RBFOX1: variants seen among roughly 807,000 people sequenced by gnomAD.
RBFOX1 encodes the protein RNA binding fox-1 homolog 1.
RBFOX1 carries 8 observed loss-of-function variants against 57.7 expected under a neutral mutation model. The observed-to-expected ratio is 0.14, with a 90% CI of 0.08 to 0.25. The LOEUF (loss-of-function observed/expected upper bound fraction) is 0.25. Ranked by LOEUF, RBFOX1 falls within the 10% of genes least tolerant of loss-of-function variation. The pLI, the probability that RBFOX1 is intolerant of heterozygous loss-of-function variation, is 1.00. For synonymous variants in RBFOX1, 326 were observed against 222.4 expected (o/e 1.47, Z -4.15); for missense variants, 611 against 548.5 (o/e 1.11, Z -1.14).
intron 2 of RBFOX1, among the ~76,000 whole-genome samples, chr16:6,569,327 A>C (rs953332756): frequency 3.3e-5 from 5 of 152,218 alleles, no homozygotes; most frequent in Non-Finnish European, 5.9e-5. Flanking sequence ...ATAGGATCCT[A>C]GTAGTATCTA....
At chr16:6,642,667 T>G (rs2098501882) in intron 2 of RBFOX1, among the ~76,000 whole-genome samples, 1 of 98,774 alleles carries the variant, frequency 1.0e-5, no homozygotes, top group Non-Finnish European at 2.4e-5. Flanking sequence ...GGTAGGGGAC[T>G]CAAAGAAAGA....
intron 4 of RBFOX1, among the ~76,000 whole-genome samples, chr16:7,262,836 G>T (rs770294307): frequency 6.6e-6 from 1 of 152,248 alleles, no homozygotes; most frequent in Non-Finnish European, 1.5e-5. Context: ...GGCTGACTCA[G>T]ATGTGGGGTG....
chr16:6,960,326 C>A (rs537040451), intron 3 of RBFOX1, among the ~76,000 whole-genome samples: 34 of 152,254 alleles, frequency 2.2e-4, no homozygotes, highest in African/African-American at 4.6e-4. Flanking sequence ...TAGACGAATG[C>A]ACACTTACAG....
chr16:5,989,621 C>A (rs2060351736), intron 4 of RBFOX1, among the ~76,000 whole-genome samples: 1 of 151,958 alleles, frequency 6.6e-6, no homozygotes, highest in Non-Finnish European at 1.5e-5. Flanking sequence ...AAGACCTCTG[C>A]CATGCTTTTC....
rs180934760 is a variant in RBFOX1, at chr16:5,397,028, C to T, written c.220-70188C>T. Among the ~76,000 whole-genome samples the T allele has an allele frequency of 2.2e-3, 328 of 152,276 alleles. 1 individual carries two copies. Among genetic ancestry groups the T allele is most frequent in the African/African-American group, 7.4e-3 (306 of 41,564 alleles). ...TCTCAGGTTGTCTGGCTTATAGGGG[C>T]CATCCCTACCAAAGGTCATAATAGG... On this transcript the variant is annotated intron_variant, in intron 1 of 2. Transcript: ENST00000585867.
At chr16:5,424,897 T>TTC (rs1363098031) in intron 1 of RBFOX1, among the ~76,000 whole-genome samples, 1 of 103,200 alleles carries the variant, frequency 9.7e-6, no homozygotes, top group African/African-American at 4.3e-5. Flanking sequence ...CTTTCTTTCT[T>TTC]TCTTTCTTTC....
chr16:6,758,480 G>A (rs1333648833), intron 3 of RBFOX1, among the ~76,000 whole-genome samples: 1 of 152,080 alleles, frequency 6.6e-6, no homozygotes, highest in Non-Finnish European at 1.5e-5. Flanking sequence ...CAGAGCCTTG[G>A]CACTGATTAA....
chr16:5,247,936 T>G (rs1021958981), intron 1 of RBFOX1, among the ~76,000 whole-genome samples: 6 of 152,068 alleles, frequency 3.9e-5, no homozygotes, highest in African/African-American at 1.4e-4. Flanking sequence ...GGATTTTGAG[T>G]GGGGTTTCCT....
intron 3 of RBFOX1, among the ~76,000 whole-genome samples, chr16:6,892,007 A>G (rs2153378763): frequency 6.6e-6 from 1 of 152,288 alleles, no homozygotes; most frequent in African/African-American, 2.4e-5. Context: ...TGCAAAAAAG[A>G]ATCTTCTGTG....
At chr16:6,083,307 T>C (rs536239286) in intron 1 of RBFOX1, among the ~76,000 whole-genome samples, 14 of 152,242 alleles carry the variant, frequency 9.2e-5, no homozygotes, top group African/African-American at 3.4e-4. Context: ...CCAGCCCAAA[T>C]GTTTTTATAC....
At chr16:5,792,776 G>A (rs1389782527) in intron 3 of RBFOX1, among the ~76,000 whole-genome samples, 1 of 152,186 alleles carries the variant, frequency 6.6e-6, no homozygotes, top group African/African-American at 2.4e-5. Flanking sequence ...CCTGGAGGTG[G>A]AGGTTGCAGT....
At chr16:5,501,620 C>G (rs145700893) in intron 2 of RBFOX1, among the ~76,000 whole-genome samples, 2 of 152,112 alleles carry the variant, frequency 1.3e-5, no homozygotes, top group African/African-American at 4.8e-5. Context: ...CATCTTCCTC[C>G]TAAGTTGCTC....
At chr16:6,823,381 C>G (rs2091645348) in intron 3 of RBFOX1, among the ~76,000 whole-genome samples, 1 of 151,970 alleles carries the variant, frequency 6.6e-6, no homozygotes, top group African/African-American at 2.4e-5. Context: ...CTCAGCCTCC[C>G]AAGTAGCTAG....
At chr16:6,072,292 C>T in intron 1 of RBFOX1, among the ~76,000 whole-genome samples, 1 of 152,152 alleles carries the variant, frequency 6.6e-6, no homozygotes, top group East Asian at 1.9e-4. Context: ...ATAATGGGAG[C>T]TCCAATTTAA....
chr16:7,110,267 A>C (rs1471114339), intron 4 of RBFOX1, among the ~76,000 whole-genome samples: 1 of 151,904 alleles, frequency 6.6e-6, no homozygotes, highest in East Asian at 1.9e-4. Context: ...AGGCTGAGGC[A>C]GAAGGATCCC....
At chr16:6,414,428 G>A (rs2093563041) in intron 2 of RBFOX1, among the ~76,000 whole-genome samples, 1 of 152,220 alleles carries the variant, frequency 6.6e-6, no homozygotes, top group Admixed American at 6.5e-5. Context: ...TGGGAATTAG[G>A]CAGTGGCCAT....
chr16:7,567,702 T>TAG (rs2092217944), intron 5 of RBFOX1, among the ~76,000 whole-genome samples: 1 of 137,474 alleles, frequency 7.3e-6, no homozygotes, highest in Non-Finnish European at 1.5e-5. Flanking sequence ...TATCCCTATA[T>TAG]ATAATCCCTA....
rs1355987614 is a variant in RBFOX1, at chr16:6,637,213, T to A, written c.-63-17390T>A. On this transcript the variant is annotated intron_variant, in intron 2 of 15. Coordinates refer to ENST00000550418, the MANE Select transcript of RBFOX1 (RefSeq NM_018723.4). ...CAATATATATTATATATTATATATATTATATAATATACAATATATATTATA... is the reference window on the plus strand; with the variant it reads ...CAATATATATTATATATTATATATAATATATAATATACAATATATATTATA... 5.4e-3 allele frequency among the ~76,000 whole-genome samples: 305 copies of A among 56,512 alleles called. 64 individuals carry two copies. The highest frequency in any genetic ancestry group is 0.022 in the African/African-American group (254 of 11,808). The allele number at this position is 56,512 out of a possible 152,430, so 37.1% of individuals were successfully genotyped here.
intron 1 of RBFOX1, among the ~76,000 whole-genome samples, chr16:6,219,535 G>T (rs1039228452): frequency 2.0e-5 from 3 of 152,108 alleles, no homozygotes; most frequent in African/African-American, 7.2e-5. Context: ...TTATTGTATG[G>T]AGTGAACTCG....
Sources: gnomAD v4.1 joint callset for allele counts (sites outside exome capture counted in the v4.1 genomes callset) on GRCh38, gnomAD v4.1.1 for gene constraint, MANE v1.5 for transcripts, NCBI Gene and HGNC (gene_info 2026-07-23, HGNC 2026-07-21) for gene names.